EYA4: variants seen among roughly 807,000 people sequenced by gnomAD.
EYA4 encodes EYA transcriptional coactivator and phosphatase 4.
In EYA4, 31 loss-of-function variants were observed where a neutral mutation model predicts 87.9. That is an observed-to-expected ratio of 0.35 (90% CI 0.27 to 0.48). The LOEUF is 0.48. Ranked by LOEUF, EYA4 falls within the 20% of genes least tolerant of loss-of-function variation. The pLI, the probability that EYA4 is intolerant of heterozygous loss-of-function variation, is 0.99. For missense variants in EYA4, 678 were observed against 761.4 expected (o/e 0.89, Z 1.29); for synonymous variants, 263 against 270.6 (o/e 0.97, Z 0.28).
At chr6:133,353,336 G>A (rs9399062) in intron 2 of EYA4, among the ~76,000 whole-genome samples, 4 of 152,048 alleles carry the variant, frequency 2.6e-5, no homozygotes, top group East Asian at 1.9e-4. Flanking sequence ...ATGATGGTTC[G>A]TTAGTTCTGT....
intron 2 of EYA4, among the ~76,000 whole-genome samples, chr6:133,328,590 A>G (rs964458410): frequency 9.9e-5 from 15 of 152,182 alleles, no homozygotes; most frequent in Non-Finnish European, 1.3e-4. Context: ...TCTATCTACT[A>G]TATGTCATTT....
rs149115696 is a variant in EYA4 at position 133,525,381 on chromosome 6, A to G, written c.1839+127A>G. On this transcript the variant is annotated intron_variant, in intron 19 of 19. Transcript: ENST00000355286. ...TTTATAGATGCAAAGCAATAAGAGC[A>G]TGAGAGGGTCAATACTTACATTCAA... The G allele has an allele frequency of 1.7e-3, 1,370 of 798,456 alleles. 4 individuals carry two copies. The highest frequency in any genetic ancestry group is 2.5e-3 in the Non-Finnish European group (1,154 of 459,468). The allele number at this position is 798,456 out of a possible 1,614,324, so 49.5% of individuals were successfully genotyped here.
chr6:133,511,245 A>G (rs918909594), intron 14 of EYA4, among the ~76,000 whole-genome samples: 2 of 152,204 alleles, frequency 1.3e-5, no homozygotes, highest in African/African-American at 4.8e-5. Flanking sequence ...AGATACTTTC[A>G]AGCCCAATAA....
chr6:133,413,166 C>T (rs1789392059), intron 3 of EYA4, among the ~76,000 whole-genome samples: 3 of 151,690 alleles, frequency 2.0e-5, no homozygotes, highest in African/African-American at 7.3e-5. Flanking sequence ...ATTAATCCTG[C>T]CTGGAAATTA....
At chr6:133,292,207 C>T (rs1778545073) in intron 2 of EYA4, among the ~76,000 whole-genome samples, 3 of 152,096 alleles carry the variant, frequency 2.0e-5, no homozygotes, top group Admixed American at 2.0e-4. Flanking sequence ...TTCCGTTGCA[C>T]AAAATTACTC....
At chr6:133,520,234 C>G (rs1231680587) in intron 17 of EYA4, among the ~76,000 whole-genome samples, 1 of 150,394 alleles carries the variant, frequency 6.6e-6, no homozygotes, top group East Asian at 2.0e-4. Flanking sequence ...ATCTAGAAAA[C>G]CCCATTGTCT....
chr6:133,296,450 T>C (rs191750711), intron 2 of EYA4, among the ~76,000 whole-genome samples: 54 of 152,254 alleles, frequency 3.5e-4, no homozygotes, highest in South Asian at 1.9e-3. Context: ...GTTGCAGTAG[T>C]TCAGGCATGA....
At chr6:133,508,564 A>ATTATT (rs1798854897) in intron 14 of EYA4, among the ~76,000 whole-genome samples, 1 of 152,144 alleles carries the variant, frequency 6.6e-6, no homozygotes, top group Non-Finnish European at 1.5e-5. Flanking sequence ...CATTTGGTTA[A>ATTATT]TTATTTTTTA....
chr6:133,356,322 CTTAT>C (rs1282391093), intron 2 of EYA4, among the ~76,000 whole-genome samples: 2 of 152,064 alleles, frequency 1.3e-5, no homozygotes, highest in African/African-American at 4.8e-5. Context: ...AGTTATACTA[CTTAT>C]TTATAGTTTT....
At chr6:133,389,173 A>T (rs1384843227) in intron 3 of EYA4, among the ~76,000 whole-genome samples, 1 of 152,174 alleles carries the variant, frequency 6.6e-6, no homozygotes, top group Non-Finnish European at 1.5e-5. Context: ...TTTCACTAGT[A>T]TAGAGACTTA....
intron 2 of EYA4, among the ~76,000 whole-genome samples, chr6:133,311,467 G>C (rs912938242): frequency 6.6e-6 from 1 of 151,658 alleles, no homozygotes; most frequent in Non-Finnish European, 1.5e-5. Context: ...CTGTGACTAC[G>C]GGTGTATGCC....
intron 3 of EYA4, among the ~76,000 whole-genome samples, chr6:133,394,284 G>T (rs212809): frequency 0.05 from 890 of 17,830 alleles, 103 homozygotes; most frequent in East Asian, 0.14. Flanking sequence ...ATAAGCTTGT[G>T]TTTTTTTTTT....
chr6:133,446,569 A>G, intron 3 of EYA4, 61 bp from the exon 4 acceptor site: 1 of 1,588,512 alleles, frequency 6.3e-7, no homozygotes, highest in African/African-American at 1.3e-5. Flanking sequence ...TAATATTTGT[A>G]ATCTATTAAA....
intron 2 of EYA4, among the ~76,000 whole-genome samples, chr6:133,356,202 A>T (rs9389074): frequency 0.33 from 49,983 of 151,958 alleles, 8,644 homozygotes; most frequent in African/African-American, 0.44. Context: ...CCCATCTCCA[A>T]ATAATCTCAC....
intron 2 of EYA4, among the ~76,000 whole-genome samples, chr6:133,353,247 T>A (rs757100425): frequency 2.6e-5 from 4 of 152,132 alleles, no homozygotes; most frequent in Non-Finnish European, 5.9e-5. Context: ...ATTCTATTTT[T>A]AACATCTTGC....
chr6:133,298,528 A>G (rs1372768495), intron 2 of EYA4, among the ~76,000 whole-genome samples: 1 of 152,202 alleles, frequency 6.6e-6, no homozygotes, highest in Non-Finnish European at 1.5e-5. Flanking sequence ...TTTCTCTGAA[A>G]AAGTAGTGTC....
intron 1 of EYA4, among the ~76,000 whole-genome samples, chr6:133,268,835 G>T (rs146620195): frequency 2.4e-4 from 36 of 152,278 alleles, no homozygotes; most frequent in Middle Eastern, 6.8e-3. Context: ...GAAGGTGGGC[G>T]TGTGAGCTAA....
At chr6:133,328,206 G>C (rs1781653377) in intron 2 of EYA4, among the ~76,000 whole-genome samples, 1 of 152,118 alleles carries the variant, frequency 6.6e-6, no homozygotes, top group Non-Finnish European at 1.5e-5. Context: ...ACAATATCAT[G>C]CAGTTGATTA....
intron 1 of EYA4, 149 bp from the exon 2 acceptor site, chr6:133,274,567 A>T (rs1429603952): frequency 1.4e-5 from 8 of 592,438 alleles, no homozygotes; most frequent in Non-Finnish European, 2.1e-5. Context: ...ATTGCATCAG[A>T]TATGGAGACA....
Sources: allele counts gnomAD v4.1 joint callset (sites outside exome capture counted in the v4.1 genomes callset), GRCh38; gene constraint gnomAD v4.1.1; transcripts MANE v1.5; gene names NCBI Gene and HGNC (gene_info 2026-07-23, HGNC 2026-07-21).